Variants in PTPRD observed in about 807,000 individuals in gnomAD.
PTPRD encodes receptor-type tyrosine-protein phosphatase delta.
PTPRD carries 34 observed loss-of-function variants against 214.5 expected under a neutral mutation model. That is an observed-to-expected ratio of 0.16 (90% CI 0.12 to 0.21). The LOEUF is 0.21. Ranked by LOEUF, PTPRD falls within the 10% of genes least tolerant of loss-of-function variation. The pLI is 1.00. For synonymous variants in PTPRD, 1,128 were observed against 845.7 expected (o/e 1.33, Z -5.79); for missense variants, 2,545 against 2,398.7 (o/e 1.06, Z -1.27).
chr9:8,820,334 T>C (rs955460697), intron 11 of PTPRD, among the ~76,000 whole-genome samples: 1 of 152,160 alleles, frequency 6.6e-6, no homozygotes, highest in Non-Finnish European at 1.5e-5. Flanking sequence ...TCTAGCTCCA[T>C]AAGCCATCTT....
At chr9:9,490,129 T>C (rs1295694113) in intron 8 of PTPRD, among the ~76,000 whole-genome samples, 1 of 152,188 alleles carries the variant, frequency 6.6e-6, no homozygotes, top group African/African-American at 2.4e-5. Context: ...AAGAAAGCAA[T>C]TGCCAAACAA....
intron 9 of PTPRD, among the ~76,000 whole-genome samples, chr9:9,317,398 T>C (rs921861807): frequency 2.0e-5 from 3 of 152,184 alleles, no homozygotes; most frequent in Non-Finnish European, 4.4e-5. Context: ...TTATTCTTCC[T>C]TAAAACTTTG....
intron 8 of PTPRD, among the ~76,000 whole-genome samples, chr9:9,573,538 CTG>C (rs1379472774): frequency 1.1e-4 from 16 of 151,640 alleles, no homozygotes; most frequent in African/African-American, 3.4e-4. Context: ...AATTAAAACA[CTG>C]GAGATAATAG....
chr9:9,535,855 A>G (rs919062523), intron 8 of PTPRD, among the ~76,000 whole-genome samples: 1 of 152,040 alleles, frequency 6.6e-6, no homozygotes, highest in African/African-American at 2.4e-5. Context: ...TACACACAGG[A>G]GAAGGAGGTA....
intron 12 of PTPRD, among the ~76,000 whole-genome samples, chr9:8,711,246 G>C (rs1184687939): frequency 1.4e-5 from 2 of 146,234 alleles, no homozygotes; most frequent in Admixed American, 6.8e-5. Flanking sequence ...TTTAGTTCTA[G>C]TAATAGTTTA....
chr9:9,855,231 T>G (rs2061325690), intron 5 of PTPRD, among the ~76,000 whole-genome samples: 1 of 152,154 alleles, frequency 6.6e-6, no homozygotes, highest in South Asian at 2.1e-4. Context: ...AATGAAACAT[T>G]ACAGGAAGGA....
At chr9:8,921,972 G>C (rs1465633810) in intron 11 of PTPRD, among the ~76,000 whole-genome samples, 1 of 152,106 alleles carries the variant, frequency 6.6e-6, no homozygotes, top group East Asian at 1.9e-4. Flanking sequence ...GGGAAAGTTG[G>C]CAAGGAACAA....
At chr9:9,402,686 A>C (rs2071163147) in intron 8 of PTPRD, among the ~76,000 whole-genome samples, 1 of 152,054 alleles carries the variant, frequency 6.6e-6, no homozygotes, top group African/African-American at 2.4e-5. Context: ...ATGAGTATTT[A>C]AAATTATTAA....
chr9:9,255,774 T>C (rs1001979306), intron 9 of PTPRD, among the ~76,000 whole-genome samples: 22 of 152,052 alleles, frequency 1.4e-4, no homozygotes, highest in Admixed American at 1.4e-3. Context: ...GCATAAATAA[T>C]TCCACAAGAT....
intron 27 of PTPRD, among the ~76,000 whole-genome samples, chr9:8,491,616 C>T (rs951803776): frequency 1.3e-5 from 2 of 150,648 alleles, no homozygotes; most frequent in African/African-American, 4.9e-5. Context: ...TGAATACATG[C>T]CTGCTCTTCA....
At chr9:10,204,345 A>T (rs914577673) in intron 3 of PTPRD, among the ~76,000 whole-genome samples, 1 of 152,170 alleles carries the variant, frequency 6.6e-6, no homozygotes, top group Admixed American at 6.6e-5. Flanking sequence ...ACAGTTTATA[A>T]TACTAGAGAA....
chr9:9,944,574 G>C (rs1410525587), intron 4 of PTPRD, among the ~76,000 whole-genome samples: 1 of 151,950 alleles, frequency 6.6e-6, no homozygotes, highest in Non-Finnish European at 1.5e-5. Flanking sequence ...GTGAAGACCT[G>C]AAGGAAAAAA....
intron 8 of PTPRD, among the ~76,000 whole-genome samples, chr9:9,505,212 A>G (rs531186375): frequency 2.4e-4 from 36 of 151,724 alleles, no homozygotes; most frequent in African/African-American, 8.4e-4. Context: ...TTGGTCTACC[A>G]CAATGGTTTC....
intron 7 of PTPRD, among the ~76,000 whole-genome samples, chr9:9,600,570 A>G (rs2093672251): frequency 6.6e-6 from 1 of 152,066 alleles, no homozygotes; most frequent in South Asian, 2.1e-4. Context: ...GGAGGCATAA[A>G]CATAGTTTGG....
In PTPRD at chr9:8,579,843, T is replaced by C. The variant is rs574179858; in HGVS notation, c.353-51064A>G. On this transcript the variant is annotated intron_variant, in intron 14 of 45. Transcript: ENST00000381196. ...TGTTAGATGGAAACGGAACCAAAAG[T>C]GTTCATGATGGGAAGAAAAGCTGGT... 3.9e-5 allele frequency among the ~76,000 whole-genome samples: 6 copies of C among 152,248 alleles called. No homozygotes were observed. The South Asian group carries it at 1.2e-3, about 32-fold the overall frequency.
chr9:9,390,574 A>T (rs1569567919), intron 9 of PTPRD, among the ~76,000 whole-genome samples: 2 of 152,176 alleles, frequency 1.3e-5, no homozygotes, highest in African/African-American at 4.8e-5. Context: ...AAAATGTGTT[A>T]TTATTGTTAT....
intron 9 of PTPRD, among the ~76,000 whole-genome samples, chr9:9,208,960 A>G (rs990659137): frequency 2.0e-5 from 3 of 151,962 alleles, no homozygotes. Flanking sequence ...GGCGCCCGCC[A>G]ATATGCCTGG....
chr9:9,013,411 C>T (rs1441277458), intron 11 of PTPRD, among the ~76,000 whole-genome samples: 4 of 152,088 alleles, frequency 2.6e-5, no homozygotes, highest in Non-Finnish European at 4.4e-5. Flanking sequence ...CAAGGCAGAA[C>T]TAATAATAGA....
intron 11 of PTPRD, among the ~76,000 whole-genome samples, chr9:8,921,058 C>T (rs779562674): frequency 5.3e-5 from 8 of 152,132 alleles, no homozygotes; most frequent in Non-Finnish European, 1.0e-4. Context: ...TGGCAATCCG[C>T]GCGCCTCGGC....
Sources: allele counts gnomAD v4.1 joint callset (sites outside exome capture counted in the v4.1 genomes callset), GRCh38; gene constraint gnomAD v4.1.1; transcripts MANE v1.5; gene names NCBI Gene and HGNC (gene_info 2026-07-23, HGNC 2026-07-21).